Variants in MAPK10 observed in about 807,000 individuals in gnomAD.
MAPK10 encodes mitogen-activated protein kinase 10.
In MAPK10, 25 loss-of-function variants were observed where a neutral mutation model predicts 59.3. That is an observed-to-expected ratio of 0.42 (90% CI 0.31 to 0.59). The LOEUF (loss-of-function observed/expected upper bound fraction) is 0.59, where lower values mean the gene tolerates loss of function less well. Among genes scored for constraint, MAPK10 ranks in the 20% least tolerant of loss-of-function variants. The pLI, the probability that MAPK10 is intolerant of heterozygous loss-of-function variation, is 0.15. For synonymous variants in MAPK10, 190 were observed against 200.5 expected (o/e 0.95, Z 0.44); for missense variants, 351 against 568.9 (o/e 0.62, Z 3.90).
At chr4:86,183,154 T>C (rs1300873849) in intron 3 of MAPK10, among the ~76,000 whole-genome samples, 3 of 152,126 alleles carry the variant, frequency 2.0e-5, no homozygotes, top group Non-Finnish European at 2.9e-5. Flanking sequence ...TTATTATTAT[T>C]ATACTTTAAG....
chr4:86,092,031 T>C (rs1323042190), intron 9 of MAPK10, among the ~76,000 whole-genome samples: 1 of 152,056 alleles, frequency 6.6e-6, no homozygotes, highest in African/African-American at 2.4e-5. Flanking sequence ...CTCTTTTTGG[T>C]GTGGGGGATC....
At chr4:86,552,100 A>C (rs1416731274) in intron 1 of MAPK10, among the ~76,000 whole-genome samples, 1 of 152,000 alleles carries the variant, frequency 6.6e-6, no homozygotes, top group Non-Finnish European at 1.5e-5. Flanking sequence ...AGAAAATAAA[A>C]AATATAAAAG....
chr4:86,086,058 T>C (rs535621462), intron 9 of MAPK10, among the ~76,000 whole-genome samples: 1 of 152,168 alleles, frequency 6.6e-6, no homozygotes, highest in South Asian at 2.1e-4. Flanking sequence ...GAAAACTAGC[T>C]AATGCATGCT....
chr4:86,132,414 T>C (rs1437262669), intron 4 of MAPK10, among the ~76,000 whole-genome samples: 1 of 152,224 alleles, frequency 6.6e-6, no homozygotes, highest in African/African-American at 2.4e-5. Context: ...TAACAGGTCA[T>C]GTGCCTTTGA....
At chr4:86,403,588 T>C (rs1368588512) in intron 1 of MAPK10, among the ~76,000 whole-genome samples, 2 of 152,096 alleles carry the variant, frequency 1.3e-5, no homozygotes, top group East Asian at 3.9e-4. Flanking sequence ...GAGGCTTAAT[T>C]GGCTCACAGT....
chr4:86,411,148 T>A (rs1579112718), intron 1 of MAPK10, among the ~76,000 whole-genome samples: 1 of 152,334 alleles, frequency 6.6e-6, no homozygotes, highest in South Asian at 2.1e-4. Flanking sequence ...CTGCCTTAAT[T>A]TTGTTGTTTA....
chr4:86,135,606 C>T (rs930689721), intron 4 of MAPK10, among the ~76,000 whole-genome samples: 7 of 152,016 alleles, frequency 4.6e-5, no homozygotes, highest in South Asian at 4.2e-4. Flanking sequence ...ACAGAAAAAC[C>T]GGAAACTCTA....
At chr4:86,501,265 C>T (rs1398495883) in intron 1 of MAPK10, among the ~76,000 whole-genome samples, 1 of 151,772 alleles carries the variant, frequency 6.6e-6, no homozygotes, top group Non-Finnish European at 1.5e-5. Context: ...TCTCTGTGCC[C>T]TATGTTCAGG....
chr4:86,081,567 G>A (rs1232613382), intron 9 of MAPK10: 2 of 151,926 alleles, frequency 1.3e-5, no homozygotes, highest in African/African-American at 4.8e-5. Context: ...TTTACCAAGG[G>A]AAAATAATAG....
At chr4:86,290,448 C>A (rs558515707) in intron 2 of MAPK10, among the ~76,000 whole-genome samples, 183 of 152,332 alleles carry the variant, frequency 1.2e-3, no homozygotes, top group African/African-American at 4.2e-3. Context: ...ATACTGGCAA[C>A]GGCCAATCTA....
At chr4:86,441,271 G>T (rs1025164641) in intron 1 of MAPK10, among the ~76,000 whole-genome samples, 2 of 152,286 alleles carry the variant, frequency 1.3e-5, no homozygotes, top group South Asian at 2.1e-4. Flanking sequence ...TAGTCATAGA[G>T]AATTTTTTAC....
At chr4:86,104,471 T>C (rs2149079075) in intron 5 of MAPK10, among the ~76,000 whole-genome samples, 1 of 152,256 alleles carries the variant, frequency 6.6e-6, no homozygotes, top group Non-Finnish European at 1.5e-5. Flanking sequence ...TGTTGAAAAA[T>C]GACTATGAAG....
chr4:86,320,581 C>T (rs950775084), intron 2 of MAPK10, among the ~76,000 whole-genome samples: 5 of 152,104 alleles, frequency 3.3e-5, no homozygotes, highest in Non-Finnish European at 7.4e-5. Context: ...GAGTAGGTTG[C>T]GAAAATTTTC....
At chr4:86,049,025 A>G (rs1460294483) in intron 11 of MAPK10, among the ~76,000 whole-genome samples, 1 of 152,014 alleles carries the variant, frequency 6.6e-6, no homozygotes, top group Non-Finnish European at 1.5e-5. Flanking sequence ...GATTCAATAT[A>G]TTTGTTGCAT....
At chr4:86,388,186 G>A (rs1328566495) in intron 1 of MAPK10, among the ~76,000 whole-genome samples, 1 of 151,764 alleles carries the variant, frequency 6.6e-6, no homozygotes, top group Non-Finnish European at 1.5e-5. Flanking sequence ...AAAAAAATGT[G>A]TGTGTGTGCA....
chr4:86,396,144 G>A (rs917375662), intron 1 of MAPK10, among the ~76,000 whole-genome samples: 1 of 152,122 alleles, frequency 6.6e-6, no homozygotes, highest in Non-Finnish European at 1.5e-5. Context: ...CCAGGAGATC[G>A]AGACCATCCT....
intron 1 of MAPK10, among the ~76,000 whole-genome samples, chr4:86,570,770 G>A (rs1048338909): frequency 2.6e-5 from 4 of 152,150 alleles, no homozygotes; most frequent in African/African-American, 9.7e-5. Context: ...AAGACTTCCT[G>A]GAGTAGGTGA....
chr4:86,169,212 G>C (rs1270678836), intron 3 of MAPK10, among the ~76,000 whole-genome samples: 1 of 152,254 alleles, frequency 6.6e-6, no homozygotes, highest in Admixed American at 6.5e-5. Context: ...AAGCTGGACA[G>C]AGAATGACTT....
At chr4:86,518,634 T>TC (rs1230912162) in intron 1 of MAPK10, among the ~76,000 whole-genome samples, 2 of 151,860 alleles carry the variant, frequency 1.3e-5, no homozygotes, top group East Asian at 3.8e-4. Context: ...GATCTTTGTT[T>TC]TTTTTTTTTT....
Sources: gnomAD v4.1 joint callset for allele counts (sites outside exome capture counted in the v4.1 genomes callset) on GRCh38, gnomAD v4.1.1 for gene constraint, MANE v1.5 for transcripts, NCBI Gene and HGNC (gene_info 2026-07-23, HGNC 2026-07-21) for gene names.